The following ATP8B1 variants were observed in gnomAD, a reference collection of about 807,000 sequenced individuals.
The protein encoded by ATP8B1 is phospholipid-transporting ATPase IC.
A neutral mutation model predicts 149.9 loss-of-function variants in ATP8B1; 80 were observed. That is an observed-to-expected ratio of 0.53 (90% confidence interval 0.45 to 0.64). The LOEUF (loss-of-function observed/expected upper bound fraction) is 0.64, where lower values mean the gene tolerates loss of function less well. ATP8B1 is among the 30% of genes least tolerant of loss of function. ATP8B1 has a pLI of 0.00. For synonymous variants in ATP8B1, 536 were observed against 562.8 expected (o/e 0.95, Z 0.67); for missense variants, 1,247 against 1,552.6 (o/e 0.80, Z 3.31).
At chr18:57,789,108 C>T (rs8097160) in intron 1 of ATP8B1, among the ~76,000 whole-genome samples, 10,660 of 152,190 alleles carry the variant, frequency 0.07, 1,206 homozygotes, top group African/African-American at 0.24. Context: ...AGAGTTATAT[C>T]TGACATTAAC....
Position 57,669,341 on chromosome 18 carries a change from C to T in ATP8B1, c.2074G>A (p.Glu692Lys). ...ACAATTAAGTCTTTTTCAATCTCCT[C>T]ATATACTTTATCCAGAGCTTCGTCC... ...NRDEALDKVYEEIEKDLILLG... is the reference protein window; with the variant it reads ...NRDEALDKVYKEIEKDLILLG... The change falls in exon 18 of 28, where the codon GAG becomes AAG. Residue 692 changes from glutamate to lysine, a missense_variant. Physicochemically the swap from Glu to Lys is moderately conservative, Grantham distance 56 (BLOSUM62 1). Transcript: ENST00000648908. 6.2e-7 allele frequency: 1 copy of T among 1,612,434 alleles called. No homozygotes were observed. The highest frequency in any genetic ancestry group is 8.5e-7 in the Non-Finnish European group (1 of 1,179,628).
chr18:57,713,354 T>C (rs576336873), intron 2 of ATP8B1, among the ~76,000 whole-genome samples: 27 of 151,214 alleles, frequency 1.8e-4, no homozygotes, highest in South Asian at 4.2e-4. Flanking sequence ...TGGAGTGCAA[T>C]GGTGTCATCT....
intron 15 of ATP8B1, among the ~76,000 whole-genome samples, chr18:57,683,562 T>C (rs112248365): frequency 7.5e-4 from 115 of 152,320 alleles, no homozygotes; most frequent in African/African-American, 2.6e-3. Context: ...AGATCCAGGC[T>C]GAGGCTCATA....
At position 57,697,856 on chromosome 18, in the gene ATP8B1, G is replaced by C. The variant is rs1912903444; in HGVS notation, c.566C>G (p.Ala189Gly). ...EVIKDGRFKVAKWKEIQVGDV... is the reference protein window; with the variant it reads ...EVIKDGRFKVGKWKEIQVGDV... ...TCCAACTTGAATTTCTTTCCACTTA[G>C]CAACTTTGAACCTAAGGATTAAAAA... Residue 189 changes from alanine to glycine, a missense_variant, in exon 7 of 28, where the codon GCT becomes GGT. By Grantham distance (60) the Ala-to-Gly change is moderately conservative. This residue lies in a region of ATP8B1 where 853 missense variants were observed against 1,035.7 expected (regional missense o/e 0.82). Coordinates refer to ENST00000648908, the MANE Select transcript of ATP8B1 (RefSeq NM_001374385.1). 2 of 1,613,226 alleles carry C rather than the reference G, an allele frequency of 1.2e-6. No homozygotes were observed. Among genetic ancestry groups the C allele is most frequent in the South Asian group, 2.2e-5 (2 of 91,028 alleles).
At chr18:57,788,614 A>C (rs2123443352) in intron 1 of ATP8B1, among the ~76,000 whole-genome samples, 1 of 152,108 alleles carries the variant, frequency 6.6e-6, no homozygotes, top group South Asian at 2.1e-4. Flanking sequence ...CACTGAACTG[A>C]AAGTTAGGAA....
chr18:57,720,526 C>T (rs932545130), intron 2 of ATP8B1, among the ~76,000 whole-genome samples: 6 of 120,528 alleles, frequency 5.0e-5, no homozygotes, highest in African/African-American at 9.4e-5. Flanking sequence ...TGAAATGAAG[C>T]GAGAAGGGAA....
intron 22 of ATP8B1, among the ~76,000 whole-genome samples, chr18:57,660,303 A>G (rs1231356266): frequency 6.6e-6 from 1 of 152,174 alleles, no homozygotes; most frequent in Admixed American, 6.6e-5. Context: ...GAGGAGGATG[A>G]TGAGAGCACG....
chr18:57,737,204 C>T (rs1421951881), intron 1 of ATP8B1: 1 of 152,204 alleles, frequency 6.6e-6, no homozygotes, highest in Non-Finnish European at 1.5e-5. Context: ...CTGCCTCAGC[C>T]TCCCAAAGTG....
chr18:57,721,164 G>A (rs1342967330), intron 2 of ATP8B1, among the ~76,000 whole-genome samples: 3 of 122,690 alleles, frequency 2.4e-5, no homozygotes, highest in African/African-American at 9.2e-5. Flanking sequence ...AAAGACCATT[G>A]AGACTAGGAA....
At chr18:57,672,619 C>G (rs1911272686) in intron 16 of ATP8B1, among the ~76,000 whole-genome samples, 1 of 151,970 alleles carries the variant, frequency 6.6e-6, no homozygotes, top group African/African-American at 2.4e-5. Context: ...GTAATCCCAG[C>G]ACTCTGGGAG....
chr18:57,690,915 C>T (rs1234011899), intron 12 of ATP8B1, among the ~76,000 whole-genome samples: 2 of 152,250 alleles, frequency 1.3e-5, no homozygotes, highest in East Asian at 3.9e-4. Flanking sequence ...GTGGCTCATG[C>T]CTGTAATCCC....
At chr18:57,769,952 C>T (rs961759022) in intron 1 of ATP8B1, among the ~76,000 whole-genome samples, 4 of 152,136 alleles carry the variant, frequency 2.6e-5, no homozygotes, top group African/African-American at 9.7e-5. Flanking sequence ...AATGAAGACA[C>T]TGAGGTCAAG....
At chr18:57,659,112 CA>C (rs1408766534) in intron 22 of ATP8B1, among the ~76,000 whole-genome samples, 1 of 151,894 alleles carries the variant, frequency 6.6e-6, no homozygotes, top group East Asian at 1.9e-4. Context: ...CCCAACTCTA[CA>C]AAAAATACAA....
chr18:57,652,319 G>T, intron 25 of ATP8B1, 147 bp from the exon 26 acceptor site: 3 of 1,449,930 alleles, frequency 2.1e-6, no homozygotes, highest in African/African-American at 1.4e-5. Flanking sequence ...CCTTGACTCA[G>T]GCAAGAAATA....
chr18:57,662,459 C>T (rs1386955845), intron 21 of ATP8B1, 24 bp downstream of exon 21: 1 of 1,613,702 alleles, frequency 6.2e-7, no homozygotes, highest in Non-Finnish European at 8.5e-7. Context: ...GAGTTAAAGG[C>T]ACAGATACAC....
At chr18:57,738,977 T>C (rs912601571) in intron 1 of ATP8B1, among the ~76,000 whole-genome samples, 1 of 152,094 alleles carries the variant, frequency 6.6e-6, no homozygotes, top group African/African-American at 2.4e-5. Flanking sequence ...GGGGCCCTAA[T>C]CCAATAGGAC....
intron 13 of ATP8B1, among the ~76,000 whole-genome samples, chr18:57,686,556 GACT>G (rs1461457426): frequency 6.6e-6 from 1 of 152,068 alleles, no homozygotes; most frequent in Non-Finnish European, 1.5e-5. Context: ...GAATAGCTGG[GACT>G]AGAGGCATCC....
At chr18:57,799,907 T>C (rs2080557802) in intron 1 of ATP8B1, among the ~76,000 whole-genome samples, 1 of 152,164 alleles carries the variant, frequency 6.6e-6, no homozygotes. Flanking sequence ...GAATGGGGAT[T>C]CAGGAGTAAC....
intron 1 of ATP8B1, among the ~76,000 whole-genome samples, chr18:57,789,076 T>C (rs750053009): frequency 6.6e-6 from 1 of 152,218 alleles, no homozygotes; most frequent in Non-Finnish European, 1.5e-5. Context: ...CTGGGTGGGT[T>C]ACCAGATGAA....
Sources: gnomAD v4.1 joint callset for allele counts (sites outside exome capture counted in the v4.1 genomes callset) on GRCh38, gnomAD v4.1.1 for gene constraint, gnomAD v4.1.1 regional missense constraint, MANE v1.5 for transcripts, NCBI Gene and HGNC (gene_info 2026-07-23, HGNC 2026-07-21) for gene names.